The following HDDC2 variants were observed in gnomAD, a reference collection of about 807,000 sequenced individuals.
HDDC2 encodes 5'-deoxynucleotidase HDDC2.
In HDDC2, 25 loss-of-function variants were observed where a neutral mutation model predicts 25.5. That is an observed-to-expected ratio of 0.98 (90% CI 0.72 to 1.37). The LOEUF is 1.37. Ranked by LOEUF, HDDC2 falls within the 40% of genes most tolerant of loss-of-function variation. HDDC2 has a pLI of 0.00. For missense variants in HDDC2, 264 were observed against 253.1 expected, an observed-to-expected ratio of 1.04 and a Z score of -0.29; for synonymous variants, 106 against 89.7, an observed-to-expected ratio of 1.18 and a Z score of -1.03.
intron 4 of HDDC2, among the ~76,000 whole-genome samples, chr6:125,290,549 G>A (rs903691366): frequency 7.9e-5 from 12 of 152,152 alleles, no homozygotes; most frequent in African/African-American, 1.9e-4. Context: ...ATAGGGTCTC[G>A]ACAGAAGTGA....
Position 125,277,361 on chromosome 6 carries a change from C to T in HDDC2, c.379-121G>A, listed in dbSNP as rs1342508657. 9 of 858,906 alleles carry T rather than the reference C, an allele frequency of 1.0e-5. No homozygotes were observed. The East Asian group carries it at 2.3e-4, about 22-fold the overall frequency. The allele number at this position is 858,906 out of a possible 1,614,324, so 53.2% of individuals were successfully genotyped here. A position where few individuals can be genotyped will look rare whatever the true frequency, so the allele number is the denominator to read the frequency against. On this transcript the variant is annotated intron_variant, in intron 4 of 5. Transcript: ENST00000398153. The stretch of plus-strand genomic sequence containing the variant: ...CTACAAGTACATTCTGTATCGGCCC[C>T]ATTTCTCTACTGTTTAGAAATCCAT...
rs1273283433 is a variant in HDDC2, at chr6:125,298,813, A to G, written c.210T>C (p.Cys70=). 9 of 1,610,814 alleles carry G rather than the reference A, an allele frequency of 5.6e-6. No homozygotes were observed. Among genetic ancestry groups the G allele is most frequent in the Non-Finnish European group, 7.6e-6 (9 of 1,177,132 alleles). Residue 70 remains cysteine, a synonymous_variant, in exon 3 of 6, where the codon TGT becomes TGC. Coordinates refer to ENST00000398153, the MANE Select transcript of HDDC2 (RefSeq NM_016063.3). ...TATCATGAACCAGGGCTAGGCGTAC[A>G]CATCTGATCAGGCAAGAAATGTCGA... ...IKDDRLNKDR[C]VRLALVHDMA...
chr6:125,294,007 C>T (rs1253097770), intron 3 of HDDC2, among the ~76,000 whole-genome samples: 1 of 152,164 alleles, frequency 6.6e-6, no homozygotes, highest in Non-Finnish European at 1.5e-5. Flanking sequence ...CTACCCTTAT[C>T]CTCCAGTCTT....
At chr6:125,301,683 GGCAACGC>G (rs1325050416) in intron 1 of HDDC2, among the ~76,000 whole-genome samples, 159 bp downstream of exon 1, 17 of 152,256 alleles carry the variant, frequency 1.1e-4, no homozygotes, top group African/African-American at 4.1e-4. Context: ...GTCCACCGTC[GGCAACGC>G]GCGGCCGCAT....
intron 5 of HDDC2, chr6:125,276,697 G>A (rs968782505): frequency 4.6e-5 from 11 of 240,300 alleles, no homozygotes; most frequent in Non-Finnish European, 7.2e-5. Context: ...CAAGGATGCA[G>A]GTGTCTCTCT....
chr6:125,288,227 T>TA, intron 4 of HDDC2, among the ~76,000 whole-genome samples: 1 of 152,016 alleles, frequency 6.6e-6, no homozygotes, highest in African/African-American at 2.4e-5. Context: ...AGTGACAAGA[T>TA]AGATGCTTGA....
chr6:125,276,729 A>G, intron 5 of HDDC2: 2 of 268,826 alleles, frequency 7.4e-6, no homozygotes, highest in Non-Finnish European at 1.4e-5. Context: ...CTACACTTCA[A>G]TTGGCTGATC....
chr6:125,282,138 G>A (rs6907528), intron 4 of HDDC2, among the ~76,000 whole-genome samples: 29,818 of 151,992 alleles, frequency 0.2, 3,326 homozygotes, highest in African/African-American at 0.31. Flanking sequence ...CTGAGGTCAG[G>A]AGTTCGAGAC....
At chr6:125,292,969 C>T (rs1475030453) in intron 3 of HDDC2, 60 bp from the exon 4 acceptor site, 2 of 1,298,366 alleles carry the variant, frequency 1.5e-6, no homozygotes, top group South Asian at 2.4e-5. Flanking sequence ...AACAACCACT[C>T]TGCAACAGAC....
chr6:125,285,908 G>A (rs2115106403), intron 4 of HDDC2, among the ~76,000 whole-genome samples: 1 of 152,256 alleles, frequency 6.6e-6, no homozygotes, highest in African/African-American at 2.4e-5. Context: ...TTTTAAAAAT[G>A]TCTCTCCCCA....
intron 1 of HDDC2, among the ~76,000 whole-genome samples, 159 bp from the exon 2 acceptor site, chr6:125,300,818 C>T (rs996762979): frequency 6.6e-6 from 1 of 152,072 alleles, no homozygotes; most frequent in Non-Finnish European, 1.5e-5. Flanking sequence ...TGATAGACAT[C>T]TGGAATCAAA....
Position 125,276,263 on chromosome 6 carries a change from G to T in HDDC2, c.518-20C>A. On this transcript the variant is annotated intron_variant, in intron 5 of 5. Transcript: ENST00000398153. ...ATTTTCCTGCAAAGCAAAAGAACAG[G>T]GAAAAATACATTCCCATATTGACAA... is the stretch of plus-strand genomic sequence containing the variant. 6.4e-7 allele frequency: 1 copy of T among 1,554,664 alleles called. No individual in the cohort carries two copies. The highest frequency in any genetic ancestry group is 8.9e-7 in the Non-Finnish European group (1 of 1,126,962).
chr6:125,301,579 G>A (rs1004924767), intron 1 of HDDC2, among the ~76,000 whole-genome samples: 1 of 150,932 alleles, frequency 6.6e-6, no homozygotes, highest in Admixed American at 6.6e-5. Context: ...CCGGGAACTG[G>A]CGCGGCTGCA....
At chr6:125,301,777 G>A (rs911947393) in intron 1 of HDDC2, 72 bp downstream of exon 1, 3 of 1,139,448 alleles carry the variant, frequency 2.6e-6, no homozygotes, top group South Asian at 2.8e-5. Context: ...GGCCGAGCGG[G>A]GAGGCCGGAA....
chr6:125,278,694 A>G (rs1444678956), intron 4 of HDDC2: 2 of 152,234 alleles, frequency 1.3e-5, no homozygotes, highest in Non-Finnish European at 2.9e-5. Flanking sequence ...AGGTCACTCT[A>G]ACTACAGGTG....
Position 125,290,898 on chromosome 6 carries a change from C to A in HDDC2, c.378+1943G>T, listed in dbSNP as rs1334918677. ...AAGCCGTTCTAAATAGCTTTTGTAG[C>A]ATTTATCTTTGGAAGATACTACTGC... On this transcript the variant is annotated intron_variant, in intron 4 of 5. Transcript: ENST00000398153. Among the ~76,000 whole-genome samples the A allele has an allele frequency of 2.6e-5, 4 of 152,260 alleles. No individual in the cohort carries two copies. In the East Asian group the frequency reaches 7.7e-4, roughly 29 times the overall value.
At chr6:125,281,037 C>T (rs908963091) in intron 4 of HDDC2, among the ~76,000 whole-genome samples, 55 of 152,308 alleles carry the variant, frequency 3.6e-4, no homozygotes, top group African/African-American at 1.3e-3. Flanking sequence ...TGTTCTGCAG[C>T]CTCTGCTGGT....
chr6:125,285,115 G>A (rs1033837679), intron 4 of HDDC2, among the ~76,000 whole-genome samples: 3 of 144,048 alleles, frequency 2.1e-5, no homozygotes, highest in Non-Finnish European at 4.5e-5. Flanking sequence ...GTGGAACAAT[G>A]AGAACATACG....
chr6:125,278,287 C>T (rs1408160290), intron 4 of HDDC2: 1 of 152,068 alleles, frequency 6.6e-6, no homozygotes, highest in Admixed American at 6.6e-5. Flanking sequence ...AAAATAATTT[C>T]ATTTTATTTG....
Sources: allele counts gnomAD v4.1 joint callset (sites outside exome capture counted in the v4.1 genomes callset), GRCh38; gene constraint gnomAD v4.1.1; transcripts MANE v1.5; gene names NCBI Gene and HGNC (gene_info 2026-07-23, HGNC 2026-07-21).